The following NALF1 variants were observed in gnomAD, a reference collection of about 807,000 sequenced individuals.
The protein encoded by NALF1 is family with sequence similarity 155 member A.
A neutral mutation model predicts 48.4 loss-of-function variants in NALF1; 3 were observed. That is an observed-to-expected ratio of 0.06 (90% CI 0.03 to 0.16). The LOEUF is 0.16. NALF1 is among the 10% of genes least tolerant of loss of function. The pLI is 1.00. For synonymous variants in NALF1, 262 were observed against 245.7 expected (o/e 1.07, Z -0.62); for missense variants, 526 against 571.5 (o/e 0.92, Z 0.81).
intron 2 of NALF1, among the ~76,000 whole-genome samples, chr13:107,199,092 C>T (rs1384633073): frequency 6.6e-6 from 1 of 151,274 alleles, no homozygotes. Context: ...AGGGTGGGTC[C>T]TAGTTCAATA....
intron 1 of NALF1, among the ~76,000 whole-genome samples, chr13:107,776,965 G>C (rs555995977): frequency 6.6e-6 from 1 of 152,032 alleles, no homozygotes; most frequent in African/African-American, 2.4e-5. Context: ...GGTGGCTCAC[G>C]TCTATAGTCC....
intron 1 of NALF1, among the ~76,000 whole-genome samples, chr13:107,743,305 T>C (rs1160251532): frequency 1.3e-5 from 2 of 152,320 alleles, no homozygotes; most frequent in Non-Finnish European, 2.9e-5. Flanking sequence ...GTAAGATCAG[T>C]TCCCAAACAC....
chr13:107,698,551 G>A (rs866892212), intron 1 of NALF1, among the ~76,000 whole-genome samples: 1 of 152,032 alleles, frequency 6.6e-6, no homozygotes, highest in South Asian at 2.1e-4. Flanking sequence ...AGATTTACAT[G>A]TATATAGAAT....
chr13:107,813,120 G>A (rs767596489), intron 1 of NALF1, among the ~76,000 whole-genome samples: 1 of 152,078 alleles, frequency 6.6e-6, no homozygotes, highest in East Asian at 1.9e-4. Context: ...AGATTAGCAA[G>A]TTTCTTATTA....
At chr13:107,603,830 C>A (rs559689037) in intron 1 of NALF1, among the ~76,000 whole-genome samples, 5 of 152,082 alleles carry the variant, frequency 3.3e-5, no homozygotes, top group Non-Finnish European at 2.9e-5. Context: ...TTGCTTTTTG[C>A]ACGTTTAGAC....
At chr13:107,493,319 A>C (rs1594092819) in intron 1 of NALF1, among the ~76,000 whole-genome samples, 1 of 152,188 alleles carries the variant, frequency 6.6e-6, no homozygotes. Flanking sequence ...AAATTTACTT[A>C]GTGCCTTTTC....
Position 107,664,502 on chromosome 13 carries a change from C to G in NALF1, c.915+201180G>C, listed in dbSNP as rs1474693338. 3.9e-5 allele frequency among the ~76,000 whole-genome samples: 6 copies of G among 152,264 alleles called. No individual in the cohort carries two copies. In the East Asian group the frequency reaches 1.2e-3, roughly 29 times the overall value. On this transcript the variant is annotated intron_variant, in intron 1 of 2. Transcript: ENST00000375915. ...TTTCCTATTTAATGCAAAGGAAAAG[C>G]CAACACCTATGGTGACGCCCTCTAA...
At chr13:107,209,428 AC>A (rs1171860260) in intron 2 of NALF1, among the ~76,000 whole-genome samples, 2 of 150,950 alleles carry the variant, frequency 1.3e-5, no homozygotes, top group Non-Finnish European at 3.0e-5. Flanking sequence ...AATCACTTGA[AC>A]CCCGGAGGCG....
At chr13:107,189,717 C>T (rs1284597206) in intron 2 of NALF1, among the ~76,000 whole-genome samples, 3 of 152,192 alleles carry the variant, frequency 2.0e-5, no homozygotes, top group African/African-American at 7.2e-5. Context: ...ACTCCTTTCT[C>T]TTTTATCACT....
At chr13:107,445,586 C>T (rs887161392) in intron 1 of NALF1, among the ~76,000 whole-genome samples, 4 of 152,174 alleles carry the variant, frequency 2.6e-5, no homozygotes, top group African/African-American at 7.2e-5. Context: ...CCCAAGATTG[C>T]AATTACTGGT....
intron 1 of NALF1, among the ~76,000 whole-genome samples, chr13:107,775,358 A>T (rs1877701246): frequency 6.7e-6 from 1 of 149,260 alleles, no homozygotes; most frequent in Non-Finnish European, 1.5e-5. Flanking sequence ...TTCCAATTTC[A>T]TCCATGTCCC....
chr13:107,500,027 A>G (rs1186780204), intron 1 of NALF1, among the ~76,000 whole-genome samples: 1 of 152,214 alleles, frequency 6.6e-6, no homozygotes, highest in African/African-American at 2.4e-5. Context: ...CACACAGTTT[A>G]TAAGTCAACT....
At chr13:107,237,063 C>A (rs1880365441) in intron 1 of NALF1, among the ~76,000 whole-genome samples, 1 of 147,572 alleles carries the variant, frequency 6.8e-6, no homozygotes, top group Admixed American at 6.9e-5. Context: ...CAATCCCACA[C>A]AGATACCAAG....
intron 1 of NALF1, among the ~76,000 whole-genome samples, chr13:107,760,909 A>G (rs1271038554): frequency 6.6e-6 from 1 of 152,192 alleles, no homozygotes; most frequent in African/African-American, 2.4e-5. Flanking sequence ...AAAGAGAAGA[A>G]AGGAGCTAAT....
chr13:107,257,865 C>T (rs150723566), intron 1 of NALF1, among the ~76,000 whole-genome samples: 193 of 152,168 alleles, frequency 1.3e-3, no homozygotes, highest in Non-Finnish European at 1.9e-3. Context: ...CTTTCTCCTA[C>T]CAGGAGTAGA....
chr13:107,466,887 G>T (rs1036147075), intron 1 of NALF1, among the ~76,000 whole-genome samples: 3 of 151,888 alleles, frequency 2.0e-5, no homozygotes, highest in Admixed American at 1.3e-4. Context: ...CCCTATTTTG[G>T]AGTGTGTGGT....
chr13:107,613,097 G>A (rs1413729117), intron 1 of NALF1, among the ~76,000 whole-genome samples: 1 of 152,056 alleles, frequency 6.6e-6, no homozygotes, highest in Non-Finnish European at 1.5e-5. Context: ...TGAGGACTCA[G>A]ATCACAGGGA....
intron 1 of NALF1, among the ~76,000 whole-genome samples, chr13:107,345,898 A>T (rs376426747): frequency 6.6e-6 from 1 of 152,176 alleles, no homozygotes; most frequent in Non-Finnish European, 1.5e-5. Flanking sequence ...TTGCAACTCA[A>T]CAACACAAAT....
At chr13:107,386,151 A>T in intron 1 of NALF1, among the ~76,000 whole-genome samples, 1 of 152,226 alleles carries the variant, frequency 6.6e-6, no homozygotes, top group East Asian at 1.9e-4. Flanking sequence ...TTTTAGTGAG[A>T]ACTTGTTTAG....
Sources: allele counts gnomAD v4.1 joint callset (sites outside exome capture counted in the v4.1 genomes callset), GRCh38; gene constraint gnomAD v4.1.1; transcripts MANE v1.5; gene names NCBI Gene and HGNC (gene_info 2026-07-23, HGNC 2026-07-21).